Variants in MPDZ observed in about 807,000 individuals in gnomAD.
MPDZ encodes the protein multiple PDZ domain protein.
MPDZ carries 234 observed loss-of-function variants against 239.1 expected under a neutral mutation model. That is an observed-to-expected ratio of 0.98 (90% CI 0.88 to 1.09). The LOEUF is 1.09. Among genes scored for constraint, MPDZ ranks in the 50% least tolerant of loss-of-function variants. The pLI is 0.00. For missense variants in MPDZ, 3,175 were observed against 2,510.0 expected, an observed-to-expected ratio of 1.26 and a Z score of -5.66; for synonymous variants, 1,048 against 881.3, an observed-to-expected ratio of 1.19 and a Z score of -3.35.
At chr9:13,153,645 G>C (rs1046426804) in intron 24 of MPDZ, among the ~76,000 whole-genome samples, 1 of 151,998 alleles carries the variant, frequency 6.6e-6, no homozygotes, top group Non-Finnish European at 1.5e-5. Flanking sequence ...TCCCTTCCCT[G>C]TTTTCTTAAA....
chr9:13,146,905 T>C (rs1027997989), intron 26 of MPDZ, among the ~76,000 whole-genome samples: 10 of 152,080 alleles, frequency 6.6e-5, no homozygotes, highest in African/African-American at 2.4e-4. Context: ...TTTTCTAAAA[T>C]GTTTTTTAAT....
chr9:13,169,146 T>C (rs1448798296), intron 21 of MPDZ, among the ~76,000 whole-genome samples: 2 of 152,150 alleles, frequency 1.3e-5, no homozygotes, highest in Non-Finnish European at 2.9e-5. Flanking sequence ...CACAGTGGTG[T>C]GGGAAAGTAT....
At chr9:13,240,564 T>C (rs1437826201) in intron 3 of MPDZ, among the ~76,000 whole-genome samples, 1 of 88,638 alleles carries the variant, frequency 1.1e-5, no homozygotes, top group Non-Finnish European at 2.3e-5. Context: ...TCAGAAACAG[T>C]GTAACATAAT....
chr9:13,206,021 G>A lies in MPDZ; in HGVS notation c.1369C>T (p.Leu457=). The A allele has an allele frequency of 6.2e-7, 1 of 1,612,578 alleles. No individual in the cohort carries two copies. The highest frequency in any genetic ancestry group is 1.3e-5 in the African/African-American group (1 of 74,738). ...VLRHTGQTVL[L]TLMRRGMKQE... ...TTCATTCCTCTCCTCATTAGTGTCA[G>A]GAGCACAGTTTGTCCTGTATGTCGC... The change falls in exon 11 of 47, where the codon CTG becomes TTG. Residue 457 remains leucine (L), a synonymous_variant. Coordinates refer to ENST00000319217, the MANE Select transcript of MPDZ (RefSeq NM_001378778.1).
chr9:13,127,162 G>A (rs902073862), intron 32 of MPDZ, among the ~76,000 whole-genome samples: 2 of 152,126 alleles, frequency 1.3e-5, no homozygotes, highest in South Asian at 2.1e-4. Flanking sequence ...CTGGCCTGTC[G>A]CTTGGAAATA....
At chr9:13,259,684 A>G (rs972303620) in intron 1 of MPDZ, among the ~76,000 whole-genome samples, 1 of 152,166 alleles carries the variant, frequency 6.6e-6, no homozygotes, top group Admixed American at 6.5e-5. Context: ...GCAAGAGTGC[A>G]TGGTACCTTC....
chr9:13,121,400 A>G (rs190563097), intron 38 of MPDZ, among the ~76,000 whole-genome samples: 230 of 152,334 alleles, frequency 1.5e-3, no homozygotes, highest in African/African-American at 5.3e-3. Flanking sequence ...GCAAGAATAT[A>G]TTTAATTCGA....
chr9:13,184,086 CA>C (rs1370317134), intron 18 of MPDZ, among the ~76,000 whole-genome samples: 1 of 151,670 alleles, frequency 6.6e-6, no homozygotes, highest in Non-Finnish European at 1.5e-5. Context: ...TTGCAGAAAC[CA>C]AAAAGAAAAT....
chr9:13,256,959 A>G (rs1487810662), intron 1 of MPDZ, among the ~76,000 whole-genome samples: 1 of 152,166 alleles, frequency 6.6e-6, no homozygotes, highest in Non-Finnish European at 1.5e-5. Flanking sequence ...ACCTGTATAT[A>G]TGGGGTAAGG....
intron 3 of MPDZ, among the ~76,000 whole-genome samples, chr9:13,243,541 T>C (rs530176521): frequency 6.6e-6 from 1 of 152,270 alleles, no homozygotes; most frequent in East Asian, 1.9e-4. Context: ...CAAATTCTTT[T>C]TGAAATGTAA....
chr9:13,202,840 G>A (rs1361047846), intron 12 of MPDZ, among the ~76,000 whole-genome samples: 1 of 152,176 alleles, frequency 6.6e-6, no homozygotes, highest in East Asian at 1.9e-4. Flanking sequence ...GGCCCAGGAA[G>A]TTTCTCTGCT....
In MPDZ at chr9:13,222,459, CA is replaced by C; in HGVS notation, c.534-14del. On this transcript the variant is annotated splice_polypyrimidine_tract_variant and intron_variant, in intron 5 of 46. Coordinates refer to ENST00000319217, the MANE Select transcript of MPDZ (RefSeq NM_001378778.1). ...CAATCTTCCATCTCTATCAAGGATG[CA>C]AAAGGGGATAAAAGACAATCTGAGA... The C allele has an allele frequency of 6.3e-7, 1 of 1,596,210 alleles. No homozygotes were observed. Among genetic ancestry groups the C allele is most frequent in the Non-Finnish European group, 8.6e-7 (1 of 1,165,572 alleles).
intron 20 of MPDZ, 77 bp from the exon 21 acceptor site, chr9:13,175,952 A>G: frequency 2.0e-6 from 3 of 1,485,824 alleles, no homozygotes; most frequent in Admixed American, 2.4e-5. Context: ...AACATCACGC[A>G]TGTTCTCTAA....
At chr9:13,186,433 G>T in intron 17 of MPDZ, 47 bp from the exon 18 acceptor site, 1 of 1,317,772 alleles carries the variant, frequency 7.6e-7, no homozygotes, top group Non-Finnish European at 1.1e-6. Flanking sequence ...GAACAGCAAA[G>T]AAGAAAGAAA....
intron 1 of MPDZ, chr9:13,279,190 C>A (rs1974992767): frequency 6.8e-6 from 1 of 148,068 alleles, no homozygotes. Flanking sequence ...CGCGAAGCGC[C>A]GGGCCGCGCG....
intron 2 of MPDZ, among the ~76,000 whole-genome samples, chr9:13,248,951 C>A (rs1221298404): frequency 2.6e-5 from 3 of 114,380 alleles, no homozygotes; most frequent in Non-Finnish European, 5.1e-5. Flanking sequence ...CCAGCCTGGG[C>A]GACAGAGTGA....
chr9:13,246,208 G>A (rs1280498081), intron 3 of MPDZ, among the ~76,000 whole-genome samples: 5 of 152,122 alleles, frequency 3.3e-5, no homozygotes, highest in East Asian at 1.9e-4. Context: ...AGCACTTCGG[G>A]AGGCCAAGGC....
chr9:13,151,822 G>A (rs116650930), intron 24 of MPDZ, among the ~76,000 whole-genome samples: 222 of 152,004 alleles, frequency 1.5e-3, no homozygotes, highest in African/African-American at 5.1e-3. Context: ...TAACACAATG[G>A]AATAAAATGT....
intron 18 of MPDZ, among the ~76,000 whole-genome samples, chr9:13,184,828 T>C (rs930560648): frequency 1.8e-4 from 27 of 151,888 alleles, no homozygotes; most frequent in Non-Finnish European, 1.3e-4. Context: ...ACACTAAGAC[T>C]CAAAGAAATT....
Sources: allele counts gnomAD v4.1 joint callset (sites outside exome capture counted in the v4.1 genomes callset), GRCh38; gene constraint gnomAD v4.1.1; transcripts MANE v1.5; gene names NCBI Gene and HGNC (gene_info 2026-07-23, HGNC 2026-07-21).